TOPORS: variants seen among roughly 807,000 people sequenced by gnomAD.
The protein encoded by TOPORS is E3 ubiquitin-protein ligase Topors.
Under a neutral mutation model 81.4 loss-of-function variants are expected in TOPORS, and 25 were observed. The ratio of observed to expected loss-of-function variants is 0.31; its 90% CI spans 0.22 to 0.43. TOPORS has a LOEUF of 0.43. TOPORS is among the 20% of genes least tolerant of loss of function. The probability of loss-of-function intolerance (pLI) is 1.00; values close to 1 mark genes in which losing one functional copy is unlikely to be tolerated. For missense variants in TOPORS, 1,101 were observed against 1,267.0 expected (o/e 0.87, Z 1.99); for synonymous variants, 473 against 456.6 (o/e 1.04, Z -0.46).
intron 1 of TOPORS, chr9:32,552,135 A>C (rs1012610804): frequency 4.1e-5 from 24 of 580,496 alleles, no homozygotes; most frequent in Middle Eastern, 2.7e-4. Flanking sequence ...TTGCAACTAG[A>C]AAGAAAACCA....
chr9:32,545,862 C>CAA (rs1159503206), intron 2 of TOPORS, among the ~76,000 whole-genome samples: 2 of 152,150 alleles, frequency 1.3e-5, no homozygotes, highest in Non-Finnish European at 2.9e-5. Flanking sequence ...CATCACTAGT[C>CAA]AACTGGGGTC....
In TOPORS at chr9:32,540,561, ATGTT is replaced by A. The variant is rs1444954746; in HGVS notation, c.*822_*825del. ...AAAAGAAGTATGACAAGGGTTTTTC[ATGTT>A]TATTTAGCAAGTTAAATGCTGTTTT... On this transcript the variant is annotated 3_prime_UTR_variant, in exon 3 of 3. Transcript: ENST00000360538. 2 of 152,234 alleles carry A rather than the reference ATGTT, an allele frequency of 1.3e-5. No homozygotes were observed. The highest frequency in any genetic ancestry group is 4.8e-5 in the African/African-American group (2 of 41,460). 9.4% of individuals were successfully genotyped at this position (152,234 alleles called of 1,614,324 possible).
At position 32,541,471 on chromosome 9, in the gene TOPORS, AAG is replaced by A. The variant is rs1821056807; in HGVS notation, c.3052_3053del (p.Leu1018SerfsTer3). On this transcript the variant is annotated frameshift_variant, in exon 3 of 3. Transcript: ENST00000360538. LOFTEE classifies it high-confidence loss of function. ...LENQPSNIVS[L>X]QTEPSRQLPS... ...GCAATTGCCTTGATGGCTCAGTTTG[AAG>A]AGACACAATGTTACTGGGCTGGTTC... 1.2e-6 allele frequency: 2 copies of A among 1,614,086 alleles called. No individual in the cohort carries two copies.
chr9:32,551,030 C>G (rs1268233282), intron 1 of TOPORS, 62 bp from the exon 2 acceptor site: 3 of 1,546,898 alleles, frequency 1.9e-6, no homozygotes, highest in African/African-American at 1.4e-5. Flanking sequence ...GCGAGACCCA[C>G]CCCCCAGCTC....
At position 32,543,912 on chromosome 9, in the gene TOPORS, T is replaced by G; in HGVS notation, c.613A>C (p.Thr205Pro). 6.2e-7 allele frequency: 1 copy of G among 1,614,008 alleles called. No individual in the cohort carries two copies. The highest frequency in any genetic ancestry group is 8.5e-7 in the Non-Finnish European group (1 of 1,179,960). ...PSGPVNRRTT[T>P]PPDSGVLFEG... ...AACAGTACTCCACTATCCGGTGGAG[T>G]TGTTGTTCTTCTGTTCACAGGACCA... The change falls in exon 3 of 3, where the codon ACT becomes CCT. Residue 205 changes from threonine (T) to proline (P), a missense_variant. Physicochemically the swap from Thr to Pro is conservative, Grantham distance 38. Around this residue, in one of 9 missense-constraint regions of TOPORS, gnomAD observed 120 missense variants for 115.4 expected, o/e 1.04. Transcript: ENST00000360538. The surrounding 1 kb of genome is among the most constrained non-coding windows in gnomAD (Gnocchi z 5.6).
chr9:32,552,094 C>T, intron 1 of TOPORS: 1 of 521,744 alleles, frequency 1.9e-6, no homozygotes, highest in Non-Finnish European at 3.5e-6. Flanking sequence ...TAAATGGACA[C>T]GACAGCACCT....
rs529095310 is a variant in TOPORS at position 32,547,893 on chromosome 9, G to A, written c.198+2881C>T. ...GTCGCCCAGGCTGGAATGCAGTGGC[G>A]CGATCGTGGCTCACTGCAAGCTCCG... On this transcript the variant is annotated intron_variant, in intron 2 of 2. Coordinates refer to ENST00000360538, the MANE Select transcript of TOPORS (RefSeq NM_005802.5). 4.0e-5 allele frequency among the ~76,000 whole-genome samples: 6 copies of A among 151,790 alleles called. No homozygotes were observed. The South Asian group carries it at 1.2e-3, about 32-fold the overall frequency.
At position 32,543,666 on chromosome 9, in the gene TOPORS, G is replaced by A. The variant is rs754517864; in HGVS notation, c.859C>T (p.Arg287Cys). Reference sequence around the variant, plus strand: ...CTGTGAAGGCAAGCTGGATTTCTACGGAAAAATTCAGCTGAAATATCCCTG... The same window carrying A: ...CTGTGAAGGCAAGCTGGATTTCTACAGAAAAATTCAGCTGAAATATCCCTG... ...RYRDISAEFF[R>C]RNPACLHRLV... Residue 287 changes from arginine (R) to cysteine (C), a missense_variant, in exon 3 of 3, where the codon CGT becomes TGT. Around this residue, in one of 9 missense-constraint regions of TOPORS, gnomAD observed 69 missense variants for 153.6 expected, o/e 0.45. Coordinates refer to ENST00000360538, the MANE Select transcript of TOPORS (RefSeq NM_005802.5). The surrounding 1 kb of genome is among the most constrained non-coding windows in gnomAD (Gnocchi z 5.6). The A allele has an allele frequency of 3.7e-6, 6 of 1,612,806 alleles. No individual in the cohort carries two copies. The highest frequency in any genetic ancestry group is 5.1e-6 in the Non-Finnish European group (6 of 1,179,642).
rs745768297 is a variant in TOPORS at position 32,544,012 on chromosome 9, A to C, written c.513T>G (p.Phe171Leu). The C allele has an allele frequency of 1.2e-6, 2 of 1,614,084 alleles. No homozygotes were observed. Among genetic ancestry groups the C allele is most frequent in the Non-Finnish European group, 1.7e-6 (2 of 1,180,036 alleles). ...AGCGAAATCGTCGATCAGGGGTGAC[A>C]AAAGAACCATTATACGAAGGCCTTA... ...YVLRPSYNGS[F>L]VTPDRRFRYR... The change falls in exon 3 of 3, where the codon TTT becomes TTG. Residue 171 changes from phenylalanine (F) to leucine (L), a missense_variant. This residue lies in a region of TOPORS where 120 missense variants were observed against 115.4 expected (regional missense o/e 1.04). Transcript: ENST00000360538.
intron 1 of TOPORS, 44 bp downstream of exon 1, chr9:32,552,390 C>A (rs961708737): frequency 6.2e-7 from 1 of 1,606,614 alleles, no homozygotes; most frequent in Non-Finnish European, 8.5e-7. Context: ...ACTGTAAGGC[C>A]CGCAGCTCCC....
chr9:32,552,263 G>GC (rs771741214), intron 1 of TOPORS, 171 bp downstream of exon 1: 34 of 853,194 alleles, frequency 4.0e-5, no homozygotes, highest in Admixed American at 1.1e-4. Flanking sequence ...ACGTGATACC[G>GC]CCCCCCAACT....
At chr9:32,551,021 C>T in intron 1 of TOPORS, 53 bp from the exon 2 acceptor site, 2 of 1,583,144 alleles carry the variant, frequency 1.3e-6, no homozygotes. Context: ...GGGCAGAGAG[C>T]GAGACCCACC....
Position 32,541,816 on chromosome 9 carries a change from A to T in TOPORS, c.2709T>A (p.Arg903=), listed in dbSNP as rs556954654. ...HKKHHGDNAS[R]SPVVITIDSD... is the part of the protein sequence containing the mutation. ...TGTCAATGGTAATTACAACTGGGGA[A>T]CGTGAAGCATTATCTCCATGGTGTT... Residue 903 remains arginine, a synonymous_variant, in exon 3 of 3, where the codon CGT becomes CGA. Transcript: ENST00000360538. The T allele has an allele frequency of 1.2e-6, 2 of 1,614,196 alleles. No homozygotes were observed. Among genetic ancestry groups the T allele is most frequent in the African/African-American group, 2.7e-5 (2 of 75,062 alleles).
At chr9:32,552,403 C>G in intron 1 of TOPORS, 31 bp downstream of exon 1, 1 of 1,608,140 alleles carries the variant, frequency 6.2e-7, no homozygotes, top group Non-Finnish European at 8.5e-7. Flanking sequence ...CAGCTCCCGC[C>G]AGCTCCCGCG....
chr9:32,541,596 T>C lies in TOPORS; in HGVS notation c.2929A>G (p.Asn977Asp), dbSNP rs750072257. 1.3e-5 allele frequency: 21 copies of C among 1,614,096 alleles called. 1 individual carries two copies. In the South Asian group the frequency reaches 2.3e-4, roughly 18 times the overall value. ...DIATLSNNLN[N>D]ANKTVDNIPP... ...ATATTATCTACAGTTTTGTTGGCAT[T>C]ATTCAAGTTGTTACTAAGTGTGGCA... Residue 977 changes from asparagine (N) to aspartate (D), a missense_variant, in exon 3 of 3, where the codon AAT (asparagine) becomes GAT (aspartate). Asn to Asp is a conservative substitution (Grantham distance 23). Transcript: ENST00000360538.
intron 2 of TOPORS, 50 bp downstream of exon 2, chr9:32,550,724 T>A (rs1277276568): frequency 1.2e-6 from 2 of 1,603,950 alleles, no homozygotes; most frequent in Admixed American, 1.7e-5. Context: ...GAGCGCCAAC[T>A]CCCACGGCCC....
chr9:32,546,743 T>C (rs1354068450), intron 2 of TOPORS, among the ~76,000 whole-genome samples: 10 of 152,236 alleles, frequency 6.6e-5, no homozygotes, highest in Non-Finnish European at 1.5e-4. Context: ...CCTTCCCTTC[T>C]CTAGTTTTAT....
intron 2 of TOPORS, among the ~76,000 whole-genome samples, chr9:32,547,252 A>AG (rs1454317139): frequency 1.4e-5 from 2 of 142,944 alleles, no homozygotes; most frequent in African/African-American, 5.2e-5. Flanking sequence ...TGTAGATCAA[A>AG]TAAGTTATTA....
intron 2 of TOPORS, among the ~76,000 whole-genome samples, chr9:32,550,101 T>A (rs1271341000): frequency 6.6e-6 from 1 of 152,220 alleles, no homozygotes; most frequent in Non-Finnish European, 1.5e-5. Context: ...TGTTTCTTAA[T>A]TTATCTTAAA....
Sources: allele counts gnomAD v4.1 joint callset (sites outside exome capture counted in the v4.1 genomes callset), GRCh38; gene constraint gnomAD v4.1.1; regional missense constraint gnomAD v4.1.1; non-coding constraint Gnocchi (gnomAD v3.1); transcripts MANE v1.5; gene names NCBI Gene and HGNC (gene_info 2026-07-23, HGNC 2026-07-21).